Variants in HHLA1 observed in about 807,000 individuals in gnomAD.
HHLA1 encodes the protein HHLA1 neighbor of OC90, also known as HERV-H LTR-associating protein 1.
Under a neutral mutation model 69.9 loss-of-function variants are expected in HHLA1, and 72 were observed. The observed-to-expected ratio is 1.03, with a 90% confidence interval of 0.85 to 1.25. The LOEUF (loss-of-function observed/expected upper bound fraction) is 1.25. HHLA1 is among the 50% of genes most tolerant of loss of function. The pLI, the probability that HHLA1 is intolerant of heterozygous loss-of-function variation, is 0.00. For synonymous variants in HHLA1, 252 were observed against 233.2 expected (o/e 1.08, Z -0.73); for missense variants, 685 against 642.2 (o/e 1.07, Z -0.72).
intron 1 of HHLA1, among the ~76,000 whole-genome samples, chr8:132,109,077 G>A (rs750118620): frequency 6.6e-6 from 1 of 152,120 alleles, no homozygotes; most frequent in Non-Finnish European, 1.5e-5. Flanking sequence ...GCACGATCTC[G>A]GCATACTGCA....
At chr8:132,100,752 TGTC>T (rs1183481557) in intron 3 of HHLA1, among the ~76,000 whole-genome samples, 1 of 152,188 alleles carries the variant, frequency 6.6e-6, no homozygotes, top group Non-Finnish European at 1.5e-5. Context: ...GAGACTCACA[TGTC>T]GTGACAAGAG....
At position 132,072,165 on chromosome 8, in the gene HHLA1, T is replaced by C. The variant is rs755061411; in HGVS notation, c.1316-672A>G. On this transcript the variant is annotated intron_variant, in intron 14 of 16. Coordinates refer to ENST00000414222, the MANE Select transcript of HHLA1 (RefSeq NM_001145095.3). ...TTTCCGTGAACCAGATTTTCAGTGTTGTTTAATTTTTAGTTTTTAGGAGGA... is the reference window on the plus strand; with the variant it reads ...TTTCCGTGAACCAGATTTTCAGTGTCGTTTAATTTTTAGTTTTTAGGAGGA... Among the ~76,000 whole-genome samples the C allele has an allele frequency of 1.6e-3, 246 of 152,152 alleles. 2 individuals carry two copies. The highest frequency in any genetic ancestry group is 4.6e-4 in the Non-Finnish European group (31 of 68,026).
At chr8:132,110,108 CT>C (rs1431513527) in intron 1 of HHLA1, among the ~76,000 whole-genome samples, 1 of 152,178 alleles carries the variant, frequency 6.6e-6, no homozygotes, top group Non-Finnish European at 1.5e-5. Flanking sequence ...ATGAGCAAAC[CT>C]GCCTTTCTCA....
At chr8:132,084,993 G>C (rs1231859375) in intron 10 of HHLA1, among the ~76,000 whole-genome samples, 2 of 151,822 alleles carry the variant, frequency 1.3e-5, no homozygotes. Flanking sequence ...TGAAGGAGAA[G>C]GGGTTGAGGG....
chr8:132,108,456 C>T (rs1318078459), intron 1 of HHLA1, among the ~76,000 whole-genome samples: 3 of 152,090 alleles, frequency 2.0e-5, no homozygotes, highest in Non-Finnish European at 4.4e-5. Context: ...CAAAATTTTA[C>T]CGTAAAATTA....
intron 12 of HHLA1, 97 bp downstream of exon 12, chr8:132,077,629 T>C: frequency 1.7e-6 from 2 of 1,196,906 alleles, no homozygotes; most frequent in South Asian, 3.1e-5. Flanking sequence ...GTTTTCTGTG[T>C]GTGTATTATA....
chr8:132,101,140 T>C, intron 3 of HHLA1: 1 of 1,521,698 alleles, frequency 6.6e-7, no homozygotes, highest in Non-Finnish European at 8.8e-7. Flanking sequence ...GTATTTTACA[T>C]TTTCATTTTG....
At chr8:132,084,163 G>A (rs1185881820) in intron 10 of HHLA1, among the ~76,000 whole-genome samples, 7 of 152,170 alleles carry the variant, frequency 4.6e-5, no homozygotes, top group African/African-American at 1.7e-4. Flanking sequence ...TGGGCAGGTG[G>A]GGGAGGGCTA....
chr8:132,067,823 A>G, intron 15 of HHLA1, among the ~76,000 whole-genome samples: 1 of 152,238 alleles, frequency 6.6e-6, no homozygotes, highest in East Asian at 1.9e-4. Context: ...GACTATACCC[A>G]TTTTGTAGAT....
chr8:132,084,662 T>G (rs1338943749), intron 10 of HHLA1, among the ~76,000 whole-genome samples: 1 of 151,836 alleles, frequency 6.6e-6, no homozygotes, highest in African/African-American at 2.4e-5. Flanking sequence ...GGTTTTAAAT[T>G]TTTGAGAACA....
intron 16 of HHLA1, among the ~76,000 whole-genome samples, chr8:132,064,530 T>C (rs1442629106): frequency 6.6e-6 from 1 of 152,170 alleles, no homozygotes. Context: ...CTAATGCCTA[T>C]ATATTTTTTG....
At chr8:132,083,185 T>C (rs1232583591) in intron 10 of HHLA1, among the ~76,000 whole-genome samples, 1 of 152,066 alleles carries the variant, frequency 6.6e-6, no homozygotes, top group Non-Finnish European at 1.5e-5. Flanking sequence ...GGGAAGCAGA[T>C]AATTTAGTTA....
rs553375318 is a variant in HHLA1 at position 132,085,134 on chromosome 8, G to A, written c.676+2519C>T. On this transcript the variant is annotated intron_variant, in intron 10 of 16. Coordinates refer to ENST00000414222, the MANE Select transcript of HHLA1 (RefSeq NM_001145095.3). ...GAAGGACCAAGGCAGGCATCCCTGC[G>A]TGGTCTGACACCCTTGAAACGTGAG... is the stretch of plus-strand genomic sequence containing the variant. Among the ~76,000 whole-genome samples, 36 of 152,304 alleles carry A rather than the reference G, an allele frequency of 2.4e-4. No individual in the cohort carries two copies. The East Asian group carries it at 5.8e-3, about 25-fold the overall frequency.
At chr8:132,110,059 CA>C (rs1171215308) in intron 1 of HHLA1, among the ~76,000 whole-genome samples, 2 of 152,120 alleles carry the variant, frequency 1.3e-5, no homozygotes, top group Admixed American at 1.3e-4. Flanking sequence ...TACCGCCAAT[CA>C]ACAAGGGTCC....
At position 132,084,092 on chromosome 8, in the gene HHLA1, A is replaced by G. The variant is rs771344505; in HGVS notation, c.676+3561T>C. On this transcript the variant is annotated intron_variant, in intron 10 of 16. Transcript: ENST00000414222. ...AATGCTATCTGATTTGGGATAAAGA[A>G]AAAGGAGCATTAACCTTGACTATGC... 2.0e-5 allele frequency among the ~76,000 whole-genome samples: 3 copies of G among 152,260 alleles called. No individual in the cohort carries two copies. The East Asian group carries it at 5.8e-4, about 29-fold the overall frequency.
In HHLA1 at chr8:132,077,734, G is replaced by T; in HGVS notation, c.1163C>A (p.Pro388His). The change falls in exon 12 of 17, where the codon CCT becomes CAT. Residue 388 changes from proline (P) to histidine (H), a missense_variant. Physicochemically the swap from Pro to His is moderately conservative, Grantham distance 77. Coordinates refer to ENST00000414222, the MANE Select transcript of HHLA1 (RefSeq NM_001145095.3). ...ATPGSPSQAS[P>H]TLGAFTHGTQ... ...TGAGCACCCTCTCTTACCCAAGGTA[G>T]GGCTGGCCTGGGATGGGCTGCCAGG... The T allele has an allele frequency of 1.3e-6, 2 of 1,551,616 alleles. No individual in the cohort carries two copies. The highest frequency in any genetic ancestry group is 1.4e-5 in the African/African-American group (1 of 73,168).
chr8:132,083,486 G>A (rs1487941300), intron 10 of HHLA1, among the ~76,000 whole-genome samples: 5 of 152,080 alleles, frequency 3.3e-5, no homozygotes, highest in Non-Finnish European at 7.4e-5. Flanking sequence ...CGAGGCAATC[G>A]GGCAGTGTCA....
intron 14 of HHLA1, among the ~76,000 whole-genome samples, chr8:132,075,775 CA>C (rs2130880357): frequency 6.6e-6 from 1 of 152,324 alleles, no homozygotes; most frequent in African/African-American, 2.4e-5. Flanking sequence ...ACCACTTCCA[CA>C]AACATTATCT....
intron 15 of HHLA1, among the ~76,000 whole-genome samples, chr8:132,068,287 CG>C (rs1196834425): frequency 6.6e-6 from 1 of 152,088 alleles, no homozygotes; most frequent in Non-Finnish European, 1.5e-5. Context: ...AAGTGTACAC[CG>C]CTCTCAGGAT....
Sources: allele counts gnomAD v4.1 joint callset (sites outside exome capture counted in the v4.1 genomes callset), GRCh38; gene constraint gnomAD v4.1.1; transcripts MANE v1.5; gene names NCBI Gene and HGNC (gene_info 2026-07-23, HGNC 2026-07-21).